The following SLC25A25 variants were observed in gnomAD, a reference collection of about 807,000 sequenced individuals.
SLC25A25 encodes mitochondrial adenyl nucleotide antiporter SLC25A25.
In SLC25A25, 32 loss-of-function variants were observed where a neutral mutation model predicts 57.7. The ratio of observed to expected loss-of-function variants is 0.55; its 90% CI spans 0.42 to 0.74. The LOEUF (loss-of-function observed/expected upper bound fraction) is 0.74, where lower values mean the gene tolerates loss of function less well. Among genes scored for constraint, SLC25A25 ranks in the 30% least tolerant of loss-of-function variants. SLC25A25 has a pLI of 0.00. For synonymous variants in SLC25A25, 306 were observed against 291.2 expected, an observed-to-expected ratio of 1.05 and a Z score of -0.52; for missense variants, 556 against 701.3, an observed-to-expected ratio of 0.79 and a Z score of 2.34.
At chr9:128,070,729 A>G (rs1435090984) in intron 1 of SLC25A25, among the ~76,000 whole-genome samples, 1 of 151,274 alleles carries the variant, frequency 6.6e-6, no homozygotes, top group Non-Finnish European at 1.5e-5. Flanking sequence ...AGCCGGGTGG[A>G]TCACCTGAGG....
Position 128,102,423 on chromosome 9 carries a change from A to C in SLC25A25, c.566A>C (p.His189Pro), listed in dbSNP as rs2130820143. 6.2e-7 allele frequency: 1 copy of C among 1,613,250 alleles called. No homozygotes were observed. Among genetic ancestry groups the C allele is most frequent in the African/African-American group, 1.3e-5 (1 of 74,656 alleles). The change falls in exon 5 of 11, where the codon CAC (histidine) becomes CCC (proline). Residue 189 changes from histidine to proline, a missense_variant. His to Pro is a moderately conservative substitution (Grantham distance 77). Around this residue, in one of 3 missense-constraint regions of SLC25A25, gnomAD observed 248 missense variants for 273.5 expected, o/e 0.91. Coordinates refer to ENST00000373069, the MANE Select transcript of SLC25A25 (RefSeq NM_001330988.2). This position sits in a 1 kb window ranked among gnomAD's most constrained non-coding sequence, Gnocchi z 4.1. ...GACTGGAACGAGTGGAGAGACTACC[A>C]CCTCCTCCACCCCGTGGAAAACATC... Reference protein sequence around the residue: ...TIDWNEWRDYHLLHPVENIPE... With the variant: ...TIDWNEWRDYPLLHPVENIPE...
intron 1 of SLC25A25, chr9:128,098,898 C>G (rs13298380): frequency 0.014 from 13,802 of 985,372 alleles, 114 homozygotes; most frequent in Non-Finnish European, 0.016. Context: ...CAGGAGTGAC[C>G]GGTTTTCATG....
chr9:128,104,079 C>T (rs575806586), intron 6 of SLC25A25, among the ~76,000 whole-genome samples: 1 of 152,210 alleles, frequency 6.6e-6, no homozygotes, highest in South Asian at 2.1e-4. Flanking sequence ...ATAATGTGGA[C>T]AGGTGAAGCT....
At chr9:128,070,224 G>A (rs1290797867) in intron 1 of SLC25A25, among the ~76,000 whole-genome samples, 1 of 150,544 alleles carries the variant, frequency 6.6e-6, no homozygotes, top group Non-Finnish European at 1.5e-5. Context: ...CCTAGTAGCT[G>A]GGACTACAGG....
intron 1 of SLC25A25, among the ~76,000 whole-genome samples, chr9:128,079,593 A>G (rs1833096531): frequency 7.4e-6 from 1 of 135,016 alleles, no homozygotes; most frequent in African/African-American, 3.0e-5. Context: ...CCTTGTCTCT[A>G]CTAAAAATAC....
intron 1 of SLC25A25, among the ~76,000 whole-genome samples, chr9:128,093,341 G>C (rs1833465177): frequency 6.6e-6 from 1 of 152,230 alleles, no homozygotes; most frequent in African/African-American, 2.4e-5. Context: ...CACTAGCTTT[G>C]TGAGGAACTT....
Position 128,102,240 on chromosome 9 carries a change from C to T in SLC25A25, c.512+125C>T. ...GGGTGTGGAGCCCCCTGCTCTTTCT[C>T]CTGGGGGCAGAGGCACCTCGTGTGG... On this transcript the variant is annotated intron_variant, in intron 4 of 10. Transcript: ENST00000373069. This position sits in a 1 kb window ranked among gnomAD's most constrained non-coding sequence, Gnocchi z 4.1. 6 of 1,408,920 alleles carry T rather than the reference C, an allele frequency of 4.3e-6. No homozygotes were observed. In the South Asian group the frequency reaches 7.4e-5, roughly 17 times the overall value. The allele number at this position is 1,408,920 out of a possible 1,614,324, so 87.3% of individuals were successfully genotyped here.
rs554110296 is a variant in SLC25A25, at chr9:128,095,745, G to A, written c.262-5351G>A. 6.6e-6 allele frequency among the ~76,000 whole-genome samples: 1 copy of A among 152,332 alleles called. No individual in the cohort carries two copies. The highest frequency in any genetic ancestry group is 1.5e-5 in the Non-Finnish European group (1 of 68,034). On this transcript the variant is annotated intron_variant, in intron 1 of 10. Transcript: ENST00000373069. This position sits in a 1 kb window ranked among gnomAD's most constrained non-coding sequence, Gnocchi z 4.4. ...GAATCGCTTGAACCCAGGAGGTGGA[G>A]GTTGTAGTGAGCCAAGATCGCGCCA...
chr9:128,091,782 A>G, intron 1 of SLC25A25: 1 of 1,500,944 alleles, frequency 6.7e-7, no homozygotes, highest in Admixed American at 2.2e-5. Flanking sequence ...CCGTCCTCCC[A>G]GCAGCTGTGT....
chr9:128,075,151 C>T (rs931664393), intron 1 of SLC25A25, among the ~76,000 whole-genome samples: 2 of 151,678 alleles, frequency 1.3e-5, no homozygotes, highest in Non-Finnish European at 2.9e-5. Context: ...ACAACAACAA[C>T]AACAAAATTA....
rs1226327138 is a variant in SLC25A25 at position 128,106,389 on chromosome 9, C to T, written c.1081C>T (p.Gln361Ter). 10 of 1,613,638 alleles carry T rather than the reference C, an allele frequency of 6.2e-6. No individual in the cohort carries two copies. The highest frequency in any genetic ancestry group is 1.6e-4 in the Middle Eastern group (1 of 6,084). Residue 361 changes from glutamine to a stop codon, truncating the protein, a stop_gained, in exon 9 of 11, where the codon CAG (glutamine) becomes TAG (stop). Transcript: ENST00000373069. LOFTEE classifies it high-confidence loss of function. ...KTRMALRKTGQYSGMLDCARR... is the reference protein window; with the variant it reads ...KTRMALRKTG ...CCGGATGGCGCTGCGGAAGACAGGC[C>T]AGTACTCAGGAATGCTGGACTGCGC...
rs1833806686 is a variant in SLC25A25, at chr9:128,101,780, A to G, written c.477-300A>G. On this transcript the variant is annotated intron_variant, in intron 3 of 10. Coordinates refer to ENST00000373069, the MANE Select transcript of SLC25A25 (RefSeq NM_001330988.2). This position sits in a 1 kb window ranked among gnomAD's most constrained non-coding sequence, Gnocchi z 4.9. ...CCCATGCTGGTAACTTGCACTTAAC[A>G]CTTTAGTCAGAGGCGCTGCCCCAAA... Among the ~76,000 whole-genome samples, 1 of 152,082 alleles carries G rather than the reference A, an allele frequency of 6.6e-6. No homozygotes were observed. The highest frequency in any genetic ancestry group is 6.5e-5 in the Admixed American group (1 of 15,276).
At chr9:128,073,713 C>T (rs1832951416) in intron 1 of SLC25A25, among the ~76,000 whole-genome samples, 1 of 151,664 alleles carries the variant, frequency 6.6e-6, no homozygotes, top group Admixed American at 6.6e-5. Flanking sequence ...GGCTCAAAGT[C>T]ATAATTATCA....
At chr9:128,078,030 A>G (rs1354834339) in intron 1 of SLC25A25, among the ~76,000 whole-genome samples, 1 of 151,982 alleles carries the variant, frequency 6.6e-6, no homozygotes, top group Non-Finnish European at 1.5e-5. Context: ...TGTCTCAAAA[A>G]AAAAAAAAAG....
intron 1 of SLC25A25, among the ~76,000 whole-genome samples, chr9:128,092,697 C>T (rs149019158): frequency 6.6e-6 from 1 of 152,212 alleles, no homozygotes; most frequent in East Asian, 1.9e-4. Context: ...CCTTCCTGAG[C>T]CCAGAGCGTG....
chr9:128,100,058 A>G (rs530939899), intron 1 of SLC25A25, among the ~76,000 whole-genome samples: 2 of 151,964 alleles, frequency 1.3e-5, no homozygotes, highest in South Asian at 2.1e-4. Context: ...GCTTGGGAGG[A>G]CCACGGCCCA....
chr9:128,075,831 G>A lies in SLC25A25; in HGVS notation c.261+7251G>A, dbSNP rs1318676544. Among the ~76,000 whole-genome samples, 4 of 152,116 alleles carry A rather than the reference G, an allele frequency of 2.6e-5. No individual in the cohort carries two copies. The East Asian group carries it at 5.8e-4, about 22-fold the overall frequency. ...TGCACTCCAGCCTGGGTGACAGTGC[G>A]AGACTCTGTCTCAAAAAGAAAAAAA... On this transcript the variant is annotated intron_variant, in intron 1 of 10. Coordinates refer to ENST00000373069, the MANE Select transcript of SLC25A25 (RefSeq NM_001330988.2).
At chr9:128,091,279 C>A in intron 1 of SLC25A25, 1 of 238,142 alleles carries the variant, frequency 4.2e-6, no homozygotes, top group Middle Eastern at 2.2e-3. Flanking sequence ...TGAGCCTCAT[C>A]TGGAGCTTGA....
chr9:128,070,253 G>C (rs544027980), intron 1 of SLC25A25, among the ~76,000 whole-genome samples: 4 of 152,036 alleles, frequency 2.6e-5, no homozygotes, highest in Admixed American at 1.3e-4. Context: ...ACCATGCCCA[G>C]CTAATTTTTT....
Sources: gnomAD v4.1 joint callset for allele counts (sites outside exome capture counted in the v4.1 genomes callset) on GRCh38, gnomAD v4.1.1 for gene constraint, gnomAD v4.1.1 regional missense constraint, Gnocchi (gnomAD v3.1) non-coding constraint, MANE v1.5 for transcripts, NCBI Gene and HGNC (gene_info 2026-07-23, HGNC 2026-07-21) for gene names.